SIL1: variants seen among roughly 807,000 people sequenced by gnomAD.
The protein encoded by SIL1 is SIL1 nucleotide exchange factor, also known as nucleotide exchange factor SIL1.
A neutral mutation model predicts 49.1 loss-of-function variants in SIL1; 40 were observed. The ratio of observed to expected loss-of-function variants is 0.81; its 90% confidence interval spans 0.63 to 1.06. The LOEUF is 1.06. SIL1 is among the 50% of genes least tolerant of loss of function. SIL1 has a pLI of 0.00. For missense variants in SIL1, 500 were observed against 572.6 expected (o/e 0.87, Z 1.29); for synonymous variants, 253 against 250.8 (o/e 1.01, Z -0.08).
At chr5:139,129,102 G>A (rs913433921) in intron 1 of SIL1, among the ~76,000 whole-genome samples, 3 of 152,054 alleles carry the variant, frequency 2.0e-5, no homozygotes, top group Admixed American at 6.5e-5. Flanking sequence ...AGCTGAGATC[G>A]CACCACTGCA....
At chr5:139,021,354 G>A in intron 6 of SIL1, 62 bp from the exon 7 acceptor site, 1 of 1,601,176 alleles carries the variant, frequency 6.2e-7, no homozygotes, top group Non-Finnish European at 8.5e-7. Flanking sequence ...TGTTCTTAGA[G>A]CCTTTCTTTT....
intron 7 of SIL1, among the ~76,000 whole-genome samples, chr5:138,967,692 T>C (rs1767174488): frequency 6.6e-6 from 1 of 151,974 alleles, no homozygotes; most frequent in African/African-American, 2.4e-5. Flanking sequence ...CGACAAAAAA[T>C]ACAAGAATAA....
At chr5:139,179,577 G>C (rs1246355726) in intron 1 of SIL1, among the ~76,000 whole-genome samples, 1 of 152,168 alleles carries the variant, frequency 6.6e-6, no homozygotes, top group African/African-American at 2.4e-5. Context: ...GGCAGGTAGG[G>C]GGTGGCAGGA....
chr5:139,089,040 G>A (rs1375304630), intron 3 of SIL1, among the ~76,000 whole-genome samples: 1 of 152,158 alleles, frequency 6.6e-6, no homozygotes, highest in Non-Finnish European at 1.5e-5. Context: ...TCAAATTTGA[G>A]AAGCTGCTAC....
chr5:139,179,144 TAA>T (rs1751937429), intron 1 of SIL1, among the ~76,000 whole-genome samples: 1 of 152,072 alleles, frequency 6.6e-6, no homozygotes, highest in Non-Finnish European at 1.5e-5. Flanking sequence ...GCTTCCAAAA[TAA>T]AAGTTCCCAG....
intron 3 of SIL1, among the ~76,000 whole-genome samples, chr5:139,106,875 C>G (rs1427502657): frequency 6.6e-6 from 1 of 152,240 alleles, no homozygotes; most frequent in Non-Finnish European, 1.5e-5. Context: ...ACTGCAAAGG[C>G]TTGAAATTAT....
intron 7 of SIL1, among the ~76,000 whole-genome samples, chr5:138,970,975 C>A (rs756183117): frequency 6.6e-6 from 1 of 151,932 alleles, no homozygotes; most frequent in Non-Finnish European, 1.5e-5. Context: ...GACACACACA[C>A]CCCTGGACCA....
In SIL1 at chr5:139,035,060, A is replaced by C. The variant is rs1044832672; in HGVS notation, c.453+7560T>G. 2.6e-5 allele frequency: 5 copies of C among 192,968 alleles called. 1 individual carries two copies. Among genetic ancestry groups the C allele is most frequent in the Non-Finnish European group, 4.2e-5 (4 of 94,678 alleles). 12.0% of individuals were successfully genotyped at this position (192,968 alleles called of 1,614,324 possible). Reference sequence around the variant, plus strand: ...TTTCATATGATTGTTGCCCACATGTATGTCTTCTTTTGAAAAGTGTCTATG... The same window carrying C: ...TTTCATATGATTGTTGCCCACATGTCTGTCTTCTTTTGAAAAGTGTCTATG... On this transcript the variant is annotated intron_variant, in intron 5 of 9. Coordinates refer to ENST00000394817, the MANE Select transcript of SIL1 (RefSeq NM_022464.5).
In SIL1 at chr5:138,951,170, C is replaced by A. The variant is rs777752978; in HGVS notation, c.1029+1G>T. ...GAGACTGGGTGGGCCTGGGCACTCA[C>A]CTTCTCCGTGACCAGGTCGTAGAGC... On this transcript the variant is annotated splice_donor_variant, in intron 9 of 9. Coordinates refer to ENST00000394817, the MANE Select transcript of SIL1 (RefSeq NM_022464.5). LOFTEE classifies it high-confidence loss of function. 6.2e-7 allele frequency: 1 copy of A among 1,611,054 alleles called. No individual in the cohort carries two copies. The highest frequency in any genetic ancestry group is 2.2e-5 in the East Asian group (1 of 44,824).
chr5:138,992,261 C>T (rs973067698), intron 7 of SIL1, among the ~76,000 whole-genome samples: 1 of 152,226 alleles, frequency 6.6e-6, no homozygotes, highest in African/African-American at 2.4e-5. Flanking sequence ...GAACCCCACT[C>T]AAGACCTTCA....
intron 3 of SIL1, among the ~76,000 whole-genome samples, chr5:139,084,623 G>A (rs1770168448): frequency 8.1e-6 from 1 of 123,844 alleles, no homozygotes; most frequent in Admixed American, 8.3e-5. Context: ...ATCACACTCT[G>A]GGAACTGTGG....
chr5:139,113,315 A>ATTAATTAATTAAT (rs1303955478), intron 3 of SIL1, among the ~76,000 whole-genome samples: 145 of 128,134 alleles, frequency 1.1e-3, no homozygotes, highest in Non-Finnish European at 1.6e-3. Flanking sequence ...TAAAAAATAA[A>ATTAATTAATTAAT]TAAATAAATA....
Position 139,160,150 on chromosome 5 carries a change from C to T in SIL1, c.-10-32297G>A, listed in dbSNP as rs1254580891. On this transcript the variant is annotated intron_variant, in intron 1 of 9. Coordinates refer to ENST00000394817, the MANE Select transcript of SIL1 (RefSeq NM_022464.5). Reference sequence around the variant, plus strand: ...CCAATCACATTTCCACAATCACACACACACACACACACACACACACACACA... The same window carrying T: ...CCAATCACATTTCCACAATCACACATACACACACACACACACACACACACA... Among the ~76,000 whole-genome samples the T allele has an allele frequency of 1.3e-4, 8 of 60,146 alleles. 1 individual carries two copies. The highest frequency in any genetic ancestry group is 9.5e-4 in the South Asian group (1 of 1,056). The allele number at this position is 60,146 out of a possible 152,430, so 39.5% of individuals were successfully genotyped here. A position where few individuals can be genotyped will look rare whatever the true frequency, so the allele number is the denominator to read the frequency against.
intron 3 of SIL1, among the ~76,000 whole-genome samples, chr5:139,054,002 C>T (rs1330187061): frequency 6.6e-6 from 1 of 152,174 alleles, no homozygotes; most frequent in African/African-American, 2.4e-5. Flanking sequence ...ATTTGTTGGT[C>T]AAGTGAGGAG....
chr5:138,993,966 A>G (rs1466588942), intron 7 of SIL1, among the ~76,000 whole-genome samples: 1 of 152,242 alleles, frequency 6.6e-6, no homozygotes, highest in East Asian at 1.9e-4. Flanking sequence ...ATAGATAACT[A>G]ATACAATGAC....
intron 5 of SIL1, among the ~76,000 whole-genome samples, chr5:139,042,340 A>G (rs577391238): frequency 1.3e-5 from 2 of 152,244 alleles, no homozygotes; most frequent in South Asian, 4.2e-4. Flanking sequence ...GAGAATGGCT[A>G]CCCCTGCTCA....
intron 1 of SIL1, among the ~76,000 whole-genome samples, chr5:139,178,167 A>G (rs1213106875): frequency 6.6e-6 from 1 of 152,224 alleles, no homozygotes; most frequent in African/African-American, 2.4e-5. Flanking sequence ...TGCCCCAACA[A>G]CACACTGACT....
chr5:139,022,061 G>C (rs1768541477), intron 6 of SIL1: 1 of 152,636 alleles, frequency 6.6e-6, no homozygotes, highest in African/African-American at 2.4e-5. Flanking sequence ...ATTACCCACA[G>C]TTTATTAGTA....
chr5:139,104,275 A>C (rs1306881773), intron 3 of SIL1, among the ~76,000 whole-genome samples: 3 of 152,162 alleles, frequency 2.0e-5, no homozygotes, highest in African/African-American at 7.2e-5. Context: ...CCACGCCAAC[A>C]ATGGGTCGAG....
Sources: gnomAD v4.1 joint callset for allele counts (sites outside exome capture counted in the v4.1 genomes callset) on GRCh38, gnomAD v4.1.1 for gene constraint, MANE v1.5 for transcripts, NCBI Gene and HGNC (gene_info 2026-07-23, HGNC 2026-07-21) for gene names.